Variants in SCP2 observed in about 807,000 individuals in gnomAD.
SCP2 encodes the protein sterol carrier protein 2.
In SCP2, 48 loss-of-function variants were observed where a neutral mutation model predicts 71.4. The ratio of observed to expected loss-of-function variants is 0.67; its 90% CI spans 0.53 to 0.86. SCP2 has a LOEUF of 0.86. SCP2 is among the 40% of genes least tolerant of loss of function. The probability of loss-of-function intolerance (pLI) is 0.00; values close to 1 mark genes in which losing one functional copy is unlikely to be tolerated. For synonymous variants in SCP2, 220 were observed against 218.1 expected (o/e 1.01, Z -0.08); for missense variants, 560 against 655.6 (o/e 0.85, Z 1.59).
At chr1:53,037,214 A>G (rs533861018) in intron 13 of SCP2, among the ~76,000 whole-genome samples, 2 of 152,282 alleles carry the variant, frequency 1.3e-5, no homozygotes, top group South Asian at 2.1e-4. Context: ...TAATTTTTCC[A>G]CAGTGAAATA....
At chr1:53,012,127 A>C (rs1661023475) in intron 11 of SCP2, among the ~76,000 whole-genome samples, 1 of 152,202 alleles carries the variant, frequency 6.6e-6, no homozygotes, top group Admixed American at 6.5e-5. Flanking sequence ...TCTGTGTAAA[A>C]ACTAGCCATA....
chr1:53,012,513 A>G (rs1430113677), intron 11 of SCP2, among the ~76,000 whole-genome samples: 3 of 152,232 alleles, frequency 2.0e-5, no homozygotes, highest in African/African-American at 7.2e-5. Context: ...GCCAAGGAGC[A>G]TTTGCTCCCT....
intron 12 of SCP2, among the ~76,000 whole-genome samples, chr1:53,018,503 A>C (rs1419232721): frequency 6.6e-6 from 1 of 152,130 alleles, no homozygotes; most frequent in South Asian, 2.1e-4. Flanking sequence ...GCACTTTGGG[A>C]GGCTGAGGCG....
chr1:52,971,775 C>G (rs986668116), intron 6 of SCP2, among the ~76,000 whole-genome samples: 1 of 152,176 alleles, frequency 6.6e-6, no homozygotes, highest in Non-Finnish European at 1.5e-5. Context: ...GGGCAGGTCC[C>G]TTTCTGGAAT....
chr1:52,998,858 G>C (rs553492010), intron 11 of SCP2, among the ~76,000 whole-genome samples: 2 of 152,102 alleles, frequency 1.3e-5, no homozygotes, highest in South Asian at 4.2e-4. Context: ...GTCTTGACAG[G>C]TCATCTGTTT....
At chr1:53,025,273 G>A (rs1662042973) in intron 12 of SCP2, among the ~76,000 whole-genome samples, 1 of 152,016 alleles carries the variant, frequency 6.6e-6, no homozygotes, top group African/African-American at 2.4e-5. Flanking sequence ...TTTCCCTTCT[G>A]TCCCTGACTC....
chr1:53,037,246 T>G (rs1663016589), intron 13 of SCP2, among the ~76,000 whole-genome samples: 1 of 152,186 alleles, frequency 6.6e-6, no homozygotes, highest in African/African-American at 2.4e-5. Flanking sequence ...TCTAAAAATT[T>G]TTTTTCAATA....
intron 6 of SCP2, among the ~76,000 whole-genome samples, chr1:52,964,999 A>G (rs2150148504): frequency 6.6e-6 from 1 of 151,852 alleles, no homozygotes; most frequent in East Asian, 2.0e-4. Context: ...CAACAGAGCG[A>G]GACTCCATCT....
At chr1:52,971,853 G>A (rs1352839951) in intron 6 of SCP2, among the ~76,000 whole-genome samples, 1 of 152,208 alleles carries the variant, frequency 6.6e-6, no homozygotes, top group Non-Finnish European at 1.5e-5. Flanking sequence ...TTTTTACACA[G>A]AAAGGTGGAG....
intron 14 of SCP2, among the ~76,000 whole-genome samples, chr1:53,041,856 G>A (rs945643464): frequency 2.0e-5 from 3 of 152,190 alleles, no homozygotes; most frequent in African/African-American, 7.2e-5. Context: ...CTAGTAAGAA[G>A]GGGTGGATGG....
Position 52,981,123 on chromosome 1 carries a change from G to A in SCP2, c.973+580G>A, listed in dbSNP as rs151213534. On this transcript the variant is annotated intron_variant, in intron 10 of 15. Coordinates refer to ENST00000371514, the MANE Select transcript of SCP2 (RefSeq NM_002979.5). ...ATTTTTGTATTTTTAGTAGAGACAGGGTTTCACCATGTTGGCCAGGCTCAT... is the reference window on the plus strand; with the variant it reads ...ATTTTTGTATTTTTAGTAGAGACAGAGTTTCACCATGTTGGCCAGGCTCAT... 5.2e-3 allele frequency among the ~76,000 whole-genome samples: 798 copies of A among 152,220 alleles called. 7 individuals carry two copies. Among genetic ancestry groups the A allele is most frequent in the African/African-American group, 0.019 (771 of 41,544 alleles).
At chr1:53,033,324 C>T (rs1044158003) in intron 13 of SCP2, among the ~76,000 whole-genome samples, 5 of 152,148 alleles carry the variant, frequency 3.3e-5, no homozygotes, top group Admixed American at 6.5e-5. Context: ...GTTGACATAC[C>T]GGGCACAGTG....
intron 6 of SCP2, among the ~76,000 whole-genome samples, chr1:52,972,086 T>G (rs1275351842): frequency 6.6e-6 from 1 of 152,358 alleles, no homozygotes; most frequent in African/African-American, 2.4e-5. Context: ...GACAGATTTC[T>G]AAATGAATTG....
chr1:53,039,540 C>T (rs143456488), intron 14 of SCP2, among the ~76,000 whole-genome samples: 179 of 152,288 alleles, frequency 1.2e-3, no homozygotes, highest in Non-Finnish European at 2.1e-3. Flanking sequence ...CAGCTTTTGT[C>T]CTCATCACTA....
chr1:52,944,850 T>C (rs1359313016), intron 2 of SCP2, among the ~76,000 whole-genome samples: 1 of 151,976 alleles, frequency 6.6e-6, no homozygotes, highest in Non-Finnish European at 1.5e-5. Context: ...TTTCACCCTG[T>C]TGTCCAGGCT....
chr1:52,928,304 T>C (rs1321255262), intron 1 of SCP2, among the ~76,000 whole-genome samples: 1 of 152,274 alleles, frequency 6.6e-6, no homozygotes, highest in Non-Finnish European at 1.5e-5. Flanking sequence ...ACCTGGCTTA[T>C]TCACTGCTGT....
intron 11 of SCP2, among the ~76,000 whole-genome samples, chr1:53,011,808 G>T (rs1321516090): frequency 6.6e-6 from 1 of 152,160 alleles, no homozygotes; most frequent in African/African-American, 2.4e-5. Flanking sequence ...CCGACATCTA[G>T]TCACAGAAGT....
chr1:52,988,231 T>C lies in SCP2; in HGVS notation c.1081+95T>C, dbSNP rs887700858. 6 of 730,422 alleles carry C rather than the reference T, an allele frequency of 8.2e-6. No individual in the cohort carries two copies. The Admixed American group carries it at 1.0e-4, about 13-fold the overall frequency. 45.2% of individuals were successfully genotyped at this position (730,422 alleles called of 1,614,324 possible). A position where few individuals can be genotyped will look rare whatever the true frequency, so the allele number is the denominator to read the frequency against. ...CATTTGAATGAAAGATTATATTCTC[T>C]GAACTTGGTAGCTGGTGCTTTAAAT... On this transcript the variant is annotated intron_variant, in intron 11 of 15. Coordinates refer to ENST00000371514, the MANE Select transcript of SCP2 (RefSeq NM_002979.5).
At chr1:53,035,572 A>G (rs1337406184) in intron 13 of SCP2, among the ~76,000 whole-genome samples, 1 of 151,968 alleles carries the variant, frequency 6.6e-6, no homozygotes, top group East Asian at 1.9e-4. Context: ...GTGATTATAA[A>G]GTACATATAA....
Sources: allele counts gnomAD v4.1 joint callset (sites outside exome capture counted in the v4.1 genomes callset), GRCh38; gene constraint gnomAD v4.1.1; transcripts MANE v1.5; gene names NCBI Gene and HGNC (gene_info 2026-07-23, HGNC 2026-07-21).